Variants in GGT7 observed in about 807,000 individuals in gnomAD.
GGT7 encodes the protein gamma-glutamyltransferase 7, also known as glutathione hydrolase 7.
GGT7 carries 30 observed loss-of-function variants against 69.2 expected under a neutral mutation model. That is an observed-to-expected ratio of 0.43 (90% CI 0.32 to 0.59). The LOEUF (loss-of-function observed/expected upper bound fraction) is 0.59. GGT7 is among the 20% of genes least tolerant of loss of function. The probability of loss-of-function intolerance (pLI) is 0.05; values close to 1 mark genes in which losing one functional copy is unlikely to be tolerated. For synonymous variants in GGT7, 388 were observed against 391.8 expected (o/e 0.99, Z 0.12); for missense variants, 733 against 901.1 (o/e 0.81, Z 2.39).
chr20:34,849,617 G>A (rs1217267625), intron 14 of GGT7, among the ~76,000 whole-genome samples: 1 of 152,182 alleles, frequency 6.6e-6, no homozygotes, highest in Non-Finnish European at 1.5e-5. Context: ...TTGTTTGCCT[G>A]TAAATGCAGA....
intron 13 of GGT7, among the ~76,000 whole-genome samples, chr20:34,850,398 G>A (rs1022066619): frequency 1.3e-5 from 2 of 152,160 alleles, no homozygotes; most frequent in African/African-American, 2.4e-5. Context: ...AGTGGTCTAG[G>A]GCACAATGTG....
intron 6 of GGT7, 31 bp downstream of exon 6, chr20:34,859,938 T>C: frequency 7.1e-7 from 1 of 1,414,896 alleles, no homozygotes; most frequent in South Asian, 1.2e-5. Context: ...ATCAACCTCA[T>C]GTCTCTCCCA....
chr20:34,860,637 CTTTTTTTTTTT>C (rs533561120), intron 4 of GGT7, among the ~76,000 whole-genome samples: 4 of 113,888 alleles, frequency 3.5e-5, no homozygotes, highest in African/African-American at 3.2e-5. Flanking sequence ...CAACCCCTGC[CTTTTTTTTTTT>C]TTTTTTTTTT....
Position 34,854,918 on chromosome 20 carries a change from G to T in GGT7, c.1108C>A (p.Leu370Met), listed in dbSNP as rs1226956402. The change falls in exon 9 of 15, where the codon CTG becomes ATG. Residue 370 changes from leucine (L) to methionine (M), a missense_variant. Leu to Met is a conservative substitution (Grantham distance 15). Coordinates refer to ENST00000336431, the MANE Select transcript of GGT7 (RefSeq NM_178026.3). ...TGCGGAGGTGGGGGACTAAGAACCA[G>T]GTGGCCTGAAAGGACAGGAAGTGAC... ...KPVCGVYRGH[L>M]VLSPPPPHTG... The T allele has an allele frequency of 6.2e-7, 1 of 1,613,712 alleles. No homozygotes were observed. Among genetic ancestry groups the T allele is most frequent in the African/African-American group, 1.3e-5 (1 of 74,924 alleles).
In GGT7 at chr20:34,871,168, C is replaced by T. The variant is rs114798708; in HGVS notation, c.169+1479G>A. 4.2e-3 allele frequency among the ~76,000 whole-genome samples: 633 copies of T among 152,254 alleles called. 2 individuals carry two copies. Among genetic ancestry groups the T allele is most frequent in the African/African-American group, 0.014 (600 of 41,542 alleles). On this transcript the variant is annotated intron_variant, in intron 1 of 14. Transcript: ENST00000336431. ...GACAGGGAGTAATCAGATAATTGCA[C>T]AAATAAATAATCATAGATTTTGGTA...
chr20:34,863,019 GGGCA>G lies in GGT7; in HGVS notation c.406-58_406-55del. 6.5e-7 allele frequency: 1 copy of G among 1,544,146 alleles called. No individual in the cohort carries two copies. Among genetic ancestry groups the G allele is most frequent in the South Asian group, 1.2e-5 (1 of 84,930 alleles). ...GCAGGAGGAGCTGTCCACCTCCCTA[GGGCA>G]CCTCCACTAGCCCTAGAACTCTACG... On this transcript the variant is annotated intron_variant, in intron 2 of 14. Coordinates refer to ENST00000336431, the MANE Select transcript of GGT7 (RefSeq NM_178026.3). The surrounding 1 kb of genome is among the most constrained non-coding windows in gnomAD (Gnocchi z 4.4).
Position 34,861,459 on chromosome 20 carries a change from A to C in GGT7, c.661T>G (p.Ser221Ala). ...GALREETLQR[S>A]WETKPGLLVG... ...AGGGTCCCCACCTTGGTCTCCCAGGATCTTTGCAGGGTCTCTTCCCTGAGG... is the reference window on the plus strand; with the variant it reads ...AGGGTCCCCACCTTGGTCTCCCAGGCTCTTTGCAGGGTCTCTTCCCTGAGG... The change falls in exon 4 of 15, where the codon TCC becomes GCC. Residue 221 changes from serine (S) to alanine (A), a missense_variant. Coordinates refer to ENST00000336431, the MANE Select transcript of GGT7 (RefSeq NM_178026.3). 1 of 1,555,776 alleles carries C rather than the reference A, an allele frequency of 6.4e-7. No homozygotes were observed. The highest frequency in any genetic ancestry group is 8.8e-7 in the Non-Finnish European group (1 of 1,140,674).
At chr20:34,867,874 A>G (rs1224497609) in intron 1 of GGT7, among the ~76,000 whole-genome samples, 2 of 152,040 alleles carry the variant, frequency 1.3e-5, no homozygotes, top group African/African-American at 2.4e-5. Context: ...CTTGGTACTT[A>G]TTGCTTTGTT....
rs753920660 is a variant in GGT7, at chr20:34,856,861, C to T, written c.1047G>A (p.Glu349=). The part of the protein sequence containing the change: ...AQHAGGVITE[E]DFSNYSALVE... ...CAAGGGCGCTGTAATTGCTGAAGTC[C>T]TCTTCGGTTATGACACCCCCTGCGT... Residue 349 remains glutamate (E), a synonymous_variant, in exon 8 of 15, where the codon GAG becomes GAA. Transcript: ENST00000336431. The T allele has an allele frequency of 1.1e-5, 17 of 1,611,984 alleles. No homozygotes were observed. Among genetic ancestry groups the T allele is most frequent in the Admixed American group, 1.0e-4 (6 of 59,958 alleles).
At chr20:34,870,945 C>A (rs977358904) in intron 1 of GGT7, among the ~76,000 whole-genome samples, 3 of 151,060 alleles carry the variant, frequency 2.0e-5, no homozygotes, top group Admixed American at 6.6e-5. Context: ...GCACCCACCA[C>A]CATGCCCAGC....
intron 4 of GGT7, among the ~76,000 whole-genome samples, chr20:34,861,120 G>A (rs2079586647): frequency 6.6e-6 from 1 of 152,070 alleles, no homozygotes; most frequent in South Asian, 2.1e-4. Flanking sequence ...ATATATCAAG[G>A]GCTGGGAAAG....
Position 34,852,281 on chromosome 20 carries a change from C to T in GGT7, c.1470-9G>A. On this transcript the variant is annotated splice_polypyrimidine_tract_variant and intron_variant, in intron 11 of 14. Transcript: ENST00000336431. ...AGGGCTGGTTCAGGGAGCTGGGGGCCGAGGTGGGGTTGGGTGAGCCCTGGC... is the reference window on the plus strand; with the variant it reads ...AGGGCTGGTTCAGGGAGCTGGGGGCTGAGGTGGGGTTGGGTGAGCCCTGGC... 1.2e-6 allele frequency: 2 copies of T among 1,608,816 alleles called. No individual in the cohort carries two copies. The highest frequency in any genetic ancestry group is 1.7e-6 in the Non-Finnish European group (2 of 1,175,156).
At position 34,863,795 on chromosome 20, in the gene GGT7, T is replaced by G; in HGVS notation, c.170-247A>C. Reference sequence around the variant, plus strand: ...AGGCTGGATTCCCGCCCCTCCCTGATACCTAGGCCAAATTTCCTGGCACCC... The same window carrying G: ...AGGCTGGATTCCCGCCCCTCCCTGAGACCTAGGCCAAATTTCCTGGCACCC... On this transcript the variant is annotated intron_variant, in intron 1 of 14. Transcript: ENST00000336431. This position sits in a 1 kb window ranked among gnomAD's most constrained non-coding sequence, Gnocchi z 4.4. The G allele has an allele frequency of 2.9e-6, 2 of 686,434 alleles. No individual in the cohort carries two copies. Among genetic ancestry groups the G allele is most frequent in the Non-Finnish European group, 2.7e-6 (1 of 365,698 alleles). The allele number at this position is 686,434 out of a possible 1,614,324, so 42.5% of individuals were successfully genotyped here.
intron 7 of GGT7, among the ~76,000 whole-genome samples, chr20:34,859,125 G>A (rs1431230067): frequency 6.6e-6 from 1 of 151,294 alleles, no homozygotes; most frequent in Non-Finnish European, 1.5e-5. Context: ...AGCCAAGATC[G>A]CACCACTGCA....
intron 10 of GGT7, among the ~76,000 whole-genome samples, chr20:34,853,130 A>T (rs2079426003): frequency 6.6e-6 from 1 of 151,986 alleles, no homozygotes; most frequent in Non-Finnish European, 1.5e-5. Flanking sequence ...TTTTTAGTAG[A>T]GACGGGGTTT....
intron 4 of GGT7, 45 bp from the exon 5 acceptor site, chr20:34,860,366 G>T: frequency 6.9e-7 from 1 of 1,448,578 alleles, no homozygotes; most frequent in Non-Finnish European, 9.7e-7. Context: ...CCAGGTCACT[G>T]GAAGGGGGGT....
chr20:34,850,315 A>G, intron 13 of GGT7: 1 of 654,286 alleles, frequency 1.5e-6, no homozygotes, highest in Non-Finnish European at 2.8e-6. Context: ...ATACACCACT[A>G]GAACCAAGTC....
At chr20:34,859,701 G>A (rs879330360) in intron 6 of GGT7, 62 bp from the exon 7 acceptor site, 24 of 1,342,632 alleles carry the variant, frequency 1.8e-5, no homozygotes, top group Admixed American at 8.8e-5. Flanking sequence ...GATGAGACGC[G>A]CAATAGATGG....
chr20:34,858,352 G>A (rs554616495), intron 7 of GGT7, among the ~76,000 whole-genome samples: 1 of 152,298 alleles, frequency 6.6e-6, no homozygotes, highest in Non-Finnish European at 1.5e-5. Flanking sequence ...GGACACAGAA[G>A]AATCTAAAGC....
Sources: allele counts gnomAD v4.1 joint callset (sites outside exome capture counted in the v4.1 genomes callset), GRCh38; gene constraint gnomAD v4.1.1; non-coding constraint Gnocchi (gnomAD v3.1); transcripts MANE v1.5; gene names NCBI Gene and HGNC (gene_info 2026-07-23, HGNC 2026-07-21).